SLC26A7: variants seen among roughly 807,000 people sequenced by gnomAD.
The protein encoded by SLC26A7 is anion exchange transporter.
Under a neutral mutation model 82.5 loss-of-function variants are expected in SLC26A7, and 59 were observed. The ratio of observed to expected loss-of-function variants is 0.72; its 90% CI spans 0.58 to 0.89. SLC26A7 has a LOEUF of 0.89. SLC26A7 is among the 40% of genes least tolerant of loss of function. The pLI is 0.00. For missense variants in SLC26A7, 820 were observed against 793.0 expected, an observed-to-expected ratio of 1.03 and a Z score of -0.41; for synonymous variants, 271 against 274.3, an observed-to-expected ratio of 0.99 and a Z score of 0.12.
rs1165658616 is a variant in SLC26A7 at position 91,289,264 on chromosome 8, T to A, written c.304+18T>A. On this transcript the variant is annotated intron_variant, in intron 3 of 18. Coordinates refer to ENST00000276609, the MANE Select transcript of SLC26A7 (RefSeq NM_052832.4). ...TGCCACAGGTAATAATTCCTATGTT[T>A]ATGCTTCTAATGTTACTCGCAAAAA... The A allele has an allele frequency of 6.4e-7, 1 of 1,565,164 alleles. No individual in the cohort carries two copies. The highest frequency in any genetic ancestry group is 1.1e-5 in the South Asian group (1 of 90,040).
chr8:91,358,593 G>A (rs1222277684), intron 11 of SLC26A7, among the ~76,000 whole-genome samples: 1 of 152,056 alleles, frequency 6.6e-6, no homozygotes, highest in East Asian at 1.9e-4. Flanking sequence ...GCCTCCCAAA[G>A]TGCTGGAATT....
intron 3 of SLC26A7, 21 bp downstream of exon 3, chr8:91,289,267 G>A (rs759470190): frequency 6.4e-7 from 1 of 1,555,210 alleles, no homozygotes; most frequent in Non-Finnish European, 8.9e-7. Context: ...CTATGTTTAT[G>A]CTTCTAATGT....
chr8:91,221,089 T>C (rs1235579951), intron 2 of SLC26A7, among the ~76,000 whole-genome samples: 2 of 152,236 alleles, frequency 1.3e-5, no homozygotes, highest in African/African-American at 2.4e-5. Context: ...TATCTCATTG[T>C]GGTTTTGATT....
chr8:91,223,534 T>G (rs1810191075), intron 2 of SLC26A7, among the ~76,000 whole-genome samples: 2 of 152,220 alleles, frequency 1.3e-5, no homozygotes. Flanking sequence ...CATTGTCTCC[T>G]CATTCTCATT....
chr8:91,250,916 T>C (rs1586321393), intron 2 of SLC26A7, among the ~76,000 whole-genome samples: 3 of 152,082 alleles, frequency 2.0e-5, no homozygotes, highest in African/African-American at 7.2e-5. Context: ...ATTTTGCCAA[T>C]AGAAATGCAT....
At chr8:91,211,038 G>C (rs1306461066) in intron 1 of SLC26A7, among the ~76,000 whole-genome samples, 1 of 152,046 alleles carries the variant, frequency 6.6e-6, no homozygotes, top group Admixed American at 6.6e-5. Flanking sequence ...GCAATGAACT[G>C]ACATCAGATT....
chr8:91,319,545 G>A (rs1812732933), intron 5 of SLC26A7, among the ~76,000 whole-genome samples: 1 of 152,180 alleles, frequency 6.6e-6, no homozygotes, highest in African/African-American at 2.4e-5. Context: ...TTCATTCATT[G>A]TAAGAATGAT....
intron 2 of SLC26A7, among the ~76,000 whole-genome samples, chr8:91,228,986 C>G (rs547592547): frequency 1.3e-5 from 2 of 152,330 alleles, no homozygotes; most frequent in East Asian, 3.9e-4. Context: ...TGCTACTTCT[C>G]ATAAGGAAGA....
chr8:91,354,264 A>C (rs1813801489), intron 11 of SLC26A7, among the ~76,000 whole-genome samples: 1 of 152,126 alleles, frequency 6.6e-6, no homozygotes, highest in African/African-American at 2.4e-5. Context: ...AAGGGTAGAG[A>C]AGATGTCAAG....
At chr8:91,362,527 G>A in intron 12 of SLC26A7, 68 bp downstream of exon 12, 3 of 1,128,652 alleles carry the variant, frequency 2.7e-6, no homozygotes, top group South Asian at 2.8e-5. Context: ...CTTGCCATAT[G>A]GTACTTGCTA....
At position 91,352,997 on chromosome 8, in the gene SLC26A7, G is replaced by T; in HGVS notation, c.1314+1G>T. ...TTGGAATGTGGATAAAATCGATTGG[G>T]TAAGTAGAAATTTGACCTAAAACAA... is the stretch of plus-strand genomic sequence containing the variant. On this transcript the variant is annotated splice_donor_variant, in intron 11 of 18. Transcript: ENST00000276609. LOFTEE classifies it high-confidence loss of function. The T allele has an allele frequency of 6.3e-7, 1 of 1,598,410 alleles. No homozygotes were observed. Among genetic ancestry groups the T allele is most frequent in the Non-Finnish European group, 8.5e-7 (1 of 1,171,022 alleles).
chr8:91,345,981 CCTTCT>C (rs1315424105), intron 9 of SLC26A7, among the ~76,000 whole-genome samples: 2 of 152,066 alleles, frequency 1.3e-5, no homozygotes, highest in Non-Finnish European at 2.9e-5. Context: ...AAGCAGCGCC[CCTTCT>C]CTTCTCTGTT....
At chr8:91,269,560 A>G (rs1345648252) in intron 2 of SLC26A7, among the ~76,000 whole-genome samples, 1 of 151,966 alleles carries the variant, frequency 6.6e-6, no homozygotes, top group Admixed American at 6.6e-5. Context: ...CTTTATTTGT[A>G]TTTGGTTTTT....
intron 15 of SLC26A7, among the ~76,000 whole-genome samples, chr8:91,374,608 A>AT (rs568828342): frequency 2.0e-3 from 307 of 150,840 alleles, no homozygotes; most frequent in Non-Finnish European, 3.5e-3. Flanking sequence ...ATATGATTTG[A>AT]TTTTTTTTTG....
Position 91,296,782 on chromosome 8 carries a change from A to G in SLC26A7, c.477+1079A>G, listed in dbSNP as rs186896489. ...ATTTTCTATGGCTTGTATCTGAGCT[A>G]TCATAAAATAAAAATTAGTTGCCTG... On this transcript the variant is annotated intron_variant, in intron 4 of 18. Transcript: ENST00000276609. Among the ~76,000 whole-genome samples, 244 of 152,274 alleles carry G rather than the reference A, an allele frequency of 1.6e-3. 1 individual carries two copies. Among genetic ancestry groups the G allele is most frequent in the Non-Finnish European group, 3.0e-3 (204 of 68,008 alleles).
chr8:91,365,842 T>C (rs997354660), intron 13 of SLC26A7, among the ~76,000 whole-genome samples: 1 of 152,224 alleles, frequency 6.6e-6, no homozygotes, highest in Non-Finnish European at 1.5e-5. Flanking sequence ...TTTACTTAGT[T>C]GGTAAGGAGT....
intron 9 of SLC26A7, among the ~76,000 whole-genome samples, chr8:91,346,968 A>G (rs906744835): frequency 6.6e-6 from 1 of 152,054 alleles, no homozygotes; most frequent in African/African-American, 2.4e-5. Flanking sequence ...CCTTAGTGCT[A>G]TTTGACATTA....
chr8:91,224,238 A>G (rs187857777), intron 2 of SLC26A7, among the ~76,000 whole-genome samples: 17 of 152,112 alleles, frequency 1.1e-4, no homozygotes, highest in African/African-American at 2.9e-4. Flanking sequence ...AGATGTTGCA[A>G]TCATTTGAAG....
chr8:91,369,710 A>G, intron 14 of SLC26A7, 75 bp from the exon 15 acceptor site: 2 of 1,109,296 alleles, frequency 1.8e-6, no homozygotes, highest in Non-Finnish European at 2.6e-6. Flanking sequence ...TATAAGTAAA[A>G]GAATTATGTG....
Sources: allele counts gnomAD v4.1 joint callset (sites outside exome capture counted in the v4.1 genomes callset), GRCh38; gene constraint gnomAD v4.1.1; transcripts MANE v1.5; gene names NCBI Gene and HGNC (gene_info 2026-07-23, HGNC 2026-07-21).